Variants in CDH13 observed in about 807,000 individuals in gnomAD.
CDH13 encodes the protein cadherin 13, also known as cadherin-13.
A neutral mutation model predicts 63.8 loss-of-function variants in CDH13; 24 were observed. The observed-to-expected ratio is 0.38, with a 90% CI of 0.27 to 0.53. The LOEUF is 0.53. CDH13 is among the 20% of genes least tolerant of loss of function. The pLI, the probability that CDH13 is intolerant of heterozygous loss-of-function variation, is 0.85. For missense variants in CDH13, 1,049 were observed against 903.1 expected, an observed-to-expected ratio of 1.16 and a Z score of -2.07; for synonymous variants, 503 against 355.3, an observed-to-expected ratio of 1.42 and a Z score of -4.67.
intron 2 of CDH13, among the ~76,000 whole-genome samples, chr16:82,868,115 C>T (rs967260105): frequency 6.6e-6 from 1 of 152,164 alleles, no homozygotes; most frequent in African/African-American, 2.4e-5. Flanking sequence ...GCAGTCTGGA[C>T]AGAGCTGGAC....
chr16:83,608,570 C>G (rs1166738668), intron 8 of CDH13, among the ~76,000 whole-genome samples: 7 of 152,188 alleles, frequency 4.6e-5, no homozygotes, highest in Non-Finnish European at 8.8e-5. Context: ...ACTGCAACCT[C>G]AAGCTCCTGG....
intron 5 of CDH13, among the ~76,000 whole-genome samples, chr16:83,282,756 C>G (rs2089211502): frequency 6.6e-6 from 1 of 152,184 alleles, no homozygotes; most frequent in African/African-American, 2.4e-5. Flanking sequence ...AACCTGGACA[C>G]CTTAGGGGCT....
At chr16:82,895,581 G>C (rs558419524) in intron 2 of CDH13, among the ~76,000 whole-genome samples, 60 of 152,222 alleles carry the variant, frequency 3.9e-4, no homozygotes, top group African/African-American at 1.3e-3. Flanking sequence ...ATTATGCGCT[G>C]TATGGGTTGG....
chr16:83,271,449 A>AAAAAAAAAAAAAAAAAAG (rs2088809983), intron 5 of CDH13, among the ~76,000 whole-genome samples: 1 of 137,308 alleles, frequency 7.3e-6, no homozygotes, highest in Non-Finnish European at 1.5e-5. Context: ...AAAAAAAAAA[A>AAAAAAAAAAAAAAAAAAG]AAATTCATGG....
intron 2 of CDH13, among the ~76,000 whole-genome samples, chr16:82,992,054 GGAA>G (rs560597977): frequency 7.9e-5 from 12 of 152,248 alleles, no homozygotes; most frequent in Middle Eastern, 3.4e-3. Context: ...GGAGCATTGA[GGAA>G]GAAGAAGAGT....
chr16:83,572,558 C>G (rs947501082), intron 7 of CDH13, among the ~76,000 whole-genome samples: 1 of 152,184 alleles, frequency 6.6e-6, no homozygotes, highest in African/African-American at 2.4e-5. Context: ...GTCCTCAGTA[C>G]TGAGCACAGT....
intron 8 of CDH13, among the ~76,000 whole-genome samples, chr16:83,661,826 G>C (rs1047582725): frequency 2.6e-5 from 4 of 152,218 alleles, no homozygotes; most frequent in Non-Finnish European, 4.4e-5. Context: ...AAATGAATCA[G>C]AGAAGTGTGC....
At chr16:82,903,816 G>A (rs1298914152) in intron 2 of CDH13, among the ~76,000 whole-genome samples, 4 of 152,102 alleles carry the variant, frequency 2.6e-5, no homozygotes, top group Non-Finnish European at 5.9e-5. Flanking sequence ...TATTATCCAT[G>A]TTTCGTAAAT....
intron 11 of CDH13, among the ~76,000 whole-genome samples, chr16:83,750,864 T>G (rs1319149259): frequency 2.0e-5 from 3 of 152,144 alleles, no homozygotes; most frequent in African/African-American, 7.2e-5. Flanking sequence ...CACTCCTTTG[T>G]GGCACTTTGT....
intron 4 of CDH13, among the ~76,000 whole-genome samples, chr16:83,132,434 C>A (rs1448091602): frequency 7.1e-5 from 7 of 98,288 alleles, no homozygotes; most frequent in Admixed American, 6.8e-4. Flanking sequence ...ACCCCCCACC[C>A]ACCCCCCAAC....
chr16:83,359,205 A>G (rs2091113150), intron 6 of CDH13, among the ~76,000 whole-genome samples: 1 of 152,182 alleles, frequency 6.6e-6, no homozygotes, highest in Non-Finnish European at 1.5e-5. Context: ...TCCCATCTCC[A>G]AAAGATCTGG....
Position 83,779,609 on chromosome 16 carries a change from C to G in CDH13, c.1682-359C>G, listed in dbSNP as rs78690703. Among the ~76,000 whole-genome samples the G allele has an allele frequency of 6.3e-3, 961 of 151,960 alleles. 13 individuals carry two copies. Among genetic ancestry groups the G allele is most frequent in the African/African-American group, 0.022 (921 of 41,446 alleles). On this transcript the variant is annotated intron_variant, in intron 11 of 13. Coordinates refer to ENST00000567109, the MANE Select transcript of CDH13 (RefSeq NM_001257.5). ...TGTCTGAGGCAGGATGATTGCTTGA[C>G]GCCAGGAGTTTGAAATCAGCCTGGG...
At chr16:82,904,651 G>C (rs1305269960) in intron 2 of CDH13, among the ~76,000 whole-genome samples, 2 of 152,150 alleles carry the variant, frequency 1.3e-5, no homozygotes, top group African/African-American at 4.8e-5. Context: ...AGATACCTGG[G>C]TGGGCATAGT....
At chr16:83,708,081 G>C (rs1468924464) in intron 10 of CDH13, among the ~76,000 whole-genome samples, 1 of 152,156 alleles carries the variant, frequency 6.6e-6, no homozygotes, top group African/African-American at 2.4e-5. Context: ...CCAGCCAGCA[G>C]TGCTGATGGG....
At chr16:83,450,180 T>C (rs2072845888) in intron 6 of CDH13, among the ~76,000 whole-genome samples, 1 of 152,216 alleles carries the variant, frequency 6.6e-6, no homozygotes, top group Non-Finnish European at 1.5e-5. Context: ...CATTCCCAGA[T>C]AGCTCCTGCA....
At chr16:82,656,455 G>A (rs1232277202) in intron 1 of CDH13, among the ~76,000 whole-genome samples, 1 of 152,058 alleles carries the variant, frequency 6.6e-6, no homozygotes, top group Non-Finnish European at 1.5e-5. Flanking sequence ...GCAAAATTTG[G>A]TGGAAGGTAC....
chr16:83,040,779 A>T (rs1917264289), intron 3 of CDH13, among the ~76,000 whole-genome samples: 1 of 152,150 alleles, frequency 6.6e-6, no homozygotes, highest in African/African-American at 2.4e-5. Context: ...ACAGCATCCA[A>T]AGTACTTGGG....
chr16:83,048,065 T>C (rs1917964639), intron 3 of CDH13, among the ~76,000 whole-genome samples: 1 of 152,180 alleles, frequency 6.6e-6, no homozygotes, highest in African/African-American at 2.4e-5. Flanking sequence ...TTCAGGTTGG[T>C]TGAATAGCTG....
At chr16:83,098,542 T>C (rs2034316565) in intron 3 of CDH13, among the ~76,000 whole-genome samples, 1 of 152,220 alleles carries the variant, frequency 6.6e-6, no homozygotes, top group East Asian at 1.9e-4. Flanking sequence ...GTTCTGCTGG[T>C]GATGAATTCC....
Sources: allele counts gnomAD v4.1 joint callset (sites outside exome capture counted in the v4.1 genomes callset), GRCh38; gene constraint gnomAD v4.1.1; transcripts MANE v1.5; gene names NCBI Gene and HGNC (gene_info 2026-07-23, HGNC 2026-07-21).